BRD4: variants seen among roughly 807,000 people sequenced by gnomAD.
BRD4 encodes bromodomain-containing protein 4.
A neutral mutation model predicts 142.1 loss-of-function variants in BRD4; 16 were observed. The ratio of observed to expected loss-of-function variants is 0.11; its 90% CI spans 0.08 to 0.17. BRD4 has a LOEUF of 0.17. Among genes scored for constraint, BRD4 ranks in the 10% least tolerant of loss-of-function variants. The pLI is 1.00. For synonymous variants in BRD4, 833 were observed against 707.5 expected (o/e 1.18, Z -2.82); for missense variants, 1,424 against 1,810.9 (o/e 0.79, Z 3.88).
At chr19:15,317,840 T>G (rs2048029768) in intron 1 of BRD4, among the ~76,000 whole-genome samples, 1 of 152,240 alleles carries the variant, frequency 6.6e-6, no homozygotes, top group African/African-American at 2.4e-5. Flanking sequence ...TTCCTGGGAT[T>G]ACAGATAGCT....
At chr19:15,308,677 A>AT (rs1338008723) in intron 1 of BRD4, among the ~76,000 whole-genome samples, 3 of 151,782 alleles carry the variant, frequency 2.0e-5, no homozygotes, top group Admixed American at 2.0e-4. Flanking sequence ...GAGGACATAA[A>AT]TTTTTAAAAA....
At chr19:15,308,799 A>C (rs1157026569) in intron 1 of BRD4, among the ~76,000 whole-genome samples, 1 of 151,654 alleles carries the variant, frequency 6.6e-6, no homozygotes, top group Non-Finnish European at 1.5e-5. Flanking sequence ...GAGGATCACG[A>C]GGTCAGGAGT....
intron 1 of BRD4, among the ~76,000 whole-genome samples, chr19:15,296,774 C>T (rs1030829194): frequency 1.3e-5 from 2 of 152,226 alleles, no homozygotes; most frequent in Admixed American, 6.5e-5. Context: ...GACAAATCAA[C>T]TTACTCTAAA....
At chr19:15,321,783 A>G (rs1007739586) in intron 1 of BRD4, among the ~76,000 whole-genome samples, 4 of 152,204 alleles carry the variant, frequency 2.6e-5, no homozygotes, top group Admixed American at 2.6e-4. Context: ...CTTACCACAC[A>G]TGCACACAAA....
chr19:15,309,338 C>CAAAAAAAAAAAAAAAAAAACAAAA (rs59956347), intron 1 of BRD4, among the ~76,000 whole-genome samples: 1 of 72,938 alleles, frequency 1.4e-5, no homozygotes, highest in Non-Finnish European at 2.7e-5. Context: ...ACTCCACCTC[C>CAAAAAAAAAAAAAAAAAAACAAAA]AAAAAAAAAA....
chr19:15,308,115 C>CAAAAAAAAAAAAAAAAAAA (rs57642262), intron 1 of BRD4, among the ~76,000 whole-genome samples: 7 of 21,184 alleles, frequency 3.3e-4, no homozygotes, highest in African/African-American at 2.0e-3. Flanking sequence ...GACTCCGTCT[C>CAAAAAAAAAAAAAAAAAAA]AAAAAAAAAA....
At chr19:15,322,710 A>G (rs2048073232) in intron 1 of BRD4, among the ~76,000 whole-genome samples, 1 of 150,366 alleles carries the variant, frequency 6.7e-6, no homozygotes, top group Non-Finnish European at 1.5e-5. Context: ...AAAAAAAAAA[A>G]AAAAAAATTA....
At chr19:15,250,342 C>T (rs1158696827) in intron 11 of BRD4, among the ~76,000 whole-genome samples, 1 of 152,188 alleles carries the variant, frequency 6.6e-6, no homozygotes, top group African/African-American at 2.4e-5. Flanking sequence ...GTAAGCGCCA[C>T]ACTCTGGAGC....
intron 7 of BRD4, among the ~76,000 whole-genome samples, chr19:15,258,575 C>T (rs555169322): frequency 7.2e-4 from 109 of 152,260 alleles, no homozygotes; most frequent in African/African-American, 2.4e-3. Flanking sequence ...TGAGCCACTG[C>T]GCCTGGCCCA....
chr19:15,255,541 C>G lies in BRD4; in HGVS notation c.1803G>C (p.Ser601=). The change falls in exon 10 of 20, where the codon TCG becomes TCC. Residue 601 remains serine (S), a synonymous_variant. Coordinates refer to ENST00000679869, the MANE Select transcript of BRD4 (RefSeq NM_001379291.1). ...TAGGCTTGCACTTGTCCTCTTCCTC[C>G]GACTCATACGTGGGAGGGGGCTTGC... ...MKSKPPPTYE[S]EEEDKCKPMS... 1 of 1,612,246 alleles carries G rather than the reference C, an allele frequency of 6.2e-7. No individual in the cohort carries two copies. The highest frequency in any genetic ancestry group is 8.5e-7 in the Non-Finnish European group (1 of 1,178,392).
At position 15,273,017 on chromosome 19, in the gene BRD4, G is replaced by GTAGACA. The variant is rs1350932168; in HGVS notation, c.77_82dup (p.Met26_Ser27dup). The GTAGACA allele has an allele frequency of 6.2e-7, 1 of 1,614,074 alleles. No individual in the cohort carries two copies. ...CTGGGGTTGGGCCTGGGCCTGTGTTGTAGACATTTGGGAAGTTTCTAGTCC... is the reference window on the plus strand; with the variant it reads ...CTGGGGTTGGGCCTGGGCCTGTGTTGTAGACATAGACATTTGGGAAGTTTCTAGTCC... On this transcript the variant is annotated inframe_insertion, in exon 2 of 20. Transcript: ENST00000679869.
chr19:15,299,436 C>A (rs905826639), intron 1 of BRD4, among the ~76,000 whole-genome samples: 4 of 152,170 alleles, frequency 2.6e-5, no homozygotes, highest in Admixed American at 2.6e-4. Context: ...CTATGCTATG[C>A]CCACAGCAAA....
Position 15,238,306 on chromosome 19 carries a change from C to G in BRD4, c.*71G>C. On this transcript the variant is annotated 3_prime_UTR_variant, in exon 20 of 20. Transcript: ENST00000679869. This position sits in a 1 kb window ranked among gnomAD's most constrained non-coding sequence, Gnocchi z 7.2. ...CCCCTGGCCGCTGATCCCACCTCCA[C>G]CACCGCCCCTAACACTATGGAAAGT... 6.2e-7 allele frequency: 1 copy of G among 1,600,584 alleles called. No homozygotes were observed. Among genetic ancestry groups the G allele is most frequent in the South Asian group, 1.1e-5 (1 of 88,912 alleles).
At chr19:15,273,903 A>G (rs1238335174) in intron 1 of BRD4, among the ~76,000 whole-genome samples, 3 of 151,844 alleles carry the variant, frequency 2.0e-5, no homozygotes, top group African/African-American at 7.3e-5. Context: ...GTGGGTTCAG[A>G]AGCAGCTTTA....
chr19:15,291,910 G>C (rs2047784700), intron 1 of BRD4, among the ~76,000 whole-genome samples: 1 of 152,268 alleles, frequency 6.6e-6, no homozygotes, highest in Middle Eastern at 3.4e-3. Flanking sequence ...GTCAAACGAA[G>C]GTTCAGTCAT....
rs974897043 is a variant in BRD4, at chr19:15,332,393, C to G, written c.-138G>C. 3.4e-5 allele frequency: 5 copies of G among 146,200 alleles called. No homozygotes were observed. The highest frequency in any genetic ancestry group is 7.6e-5 in the Non-Finnish European group (5 of 65,496). 9.1% of individuals were successfully genotyped at this position (146,200 alleles called of 1,614,324 possible). On this transcript the variant is annotated 5_prime_UTR_variant, in exon 1 of 20. Transcript: ENST00000679869. Reference sequence around the variant, plus strand: ...CGCCGGGGCCCGCCCGCCGCTCTGCCGAGCTCACAGGCCGCGCTCGCCCGC... The same window carrying G: ...CGCCGGGGCCCGCCCGCCGCTCTGCGGAGCTCACAGGCCGCGCTCGCCCGC...
At chr19:15,251,607 G>A (rs1315237127) in intron 11 of BRD4, among the ~76,000 whole-genome samples, 2 of 152,162 alleles carry the variant, frequency 1.3e-5, no homozygotes, top group Non-Finnish European at 2.9e-5. Flanking sequence ...GAGAGCAGCT[G>A]CTGAAGGAGC....
At chr19:15,241,363 A>C (rs2047236475) in intron 14 of BRD4, among the ~76,000 whole-genome samples, 1 of 152,188 alleles carries the variant, frequency 6.6e-6, no homozygotes, top group South Asian at 2.1e-4. Flanking sequence ...GGTTTATAGA[A>C]ACCACCTGCC....
intron 1 of BRD4, among the ~76,000 whole-genome samples, chr19:15,279,438 T>C (rs1432514837): frequency 6.6e-6 from 1 of 152,250 alleles, no homozygotes; most frequent in Non-Finnish European, 1.5e-5. Flanking sequence ...GCAAGCCCTC[T>C]TCACTGGTAT....
Sources: gnomAD v4.1 joint callset for allele counts (sites outside exome capture counted in the v4.1 genomes callset) on GRCh38, gnomAD v4.1.1 for gene constraint, Gnocchi (gnomAD v3.1) non-coding constraint, MANE v1.5 for transcripts, NCBI Gene and HGNC (gene_info 2026-07-23, HGNC 2026-07-21) for gene names.